The following WDR20 variants were observed in gnomAD, a reference collection of about 807,000 sequenced individuals.
WDR20 encodes the protein WD repeat-containing protein 20.
WDR20 carries 3 observed loss-of-function variants against 38.7 expected under a neutral mutation model. The observed-to-expected ratio is 0.08, with a 90% CI of 0.04 to 0.20. The LOEUF is 0.20. WDR20 is among the 10% of genes least tolerant of loss of function. The pLI is 1.00. For missense variants in WDR20, 559 were observed against 727.7 expected (o/e 0.77, Z 2.67); for synonymous variants, 298 against 285.6 (o/e 1.04, Z -0.44).
intron 1 of WDR20, among the ~76,000 whole-genome samples, chr14:102,167,893 A>C (rs2060069054): frequency 6.6e-6 from 1 of 152,216 alleles, no homozygotes; most frequent in African/African-American, 2.4e-5. Flanking sequence ...ATTTGAATGA[A>C]TGGATAAATA....
intron 1 of WDR20, among the ~76,000 whole-genome samples, chr14:102,160,350 T>C (rs967361158): frequency 2.6e-5 from 4 of 152,122 alleles, no homozygotes; most frequent in African/African-American, 9.7e-5. Flanking sequence ...CTGTCCTCCT[T>C]CCCCCTCCTA....
intron 1 of WDR20, among the ~76,000 whole-genome samples, chr14:102,171,819 A>G: frequency 6.6e-6 from 1 of 151,808 alleles, no homozygotes; most frequent in East Asian, 1.9e-4. Context: ...ATTATGCATT[A>G]TATTTAAGGA....
chr14:102,198,037 C>T, intron 2 of WDR20: 1 of 436,124 alleles, frequency 2.3e-6, no homozygotes, highest in Non-Finnish European at 4.1e-6. Context: ...GATGGTGACA[C>T]TTTGTGATGT....
chr14:102,189,204 T>A (rs1198114629), intron 1 of WDR20, among the ~76,000 whole-genome samples: 1 of 152,146 alleles, frequency 6.6e-6, no homozygotes, highest in Non-Finnish European at 1.5e-5. Flanking sequence ...AGCGAGACCC[T>A]GTCTCAATAA....
chr14:102,215,218 T>C (rs994692943), downstream of WDR20, among the ~76,000 whole-genome samples: 4 of 152,236 alleles, frequency 2.6e-5, no homozygotes, highest in Non-Finnish European at 5.9e-5. Context: ...GATACTGTTT[T>C]ATGTGGTCCT....
downstream of WDR20, chr14:102,224,386 T>C: frequency 2.8e-6 from 1 of 355,304 alleles, no homozygotes; most frequent in Non-Finnish European, 5.5e-6. Context: ...CGTGAGCATC[T>C]GAGTTTAGGG....
Position 102,208,740 on chromosome 14 carries a change from C to T in WDR20, c.570C>T (p.Tyr190=). The T allele has an allele frequency of 6.2e-7, 1 of 1,614,232 alleles. No individual in the cohort carries two copies. Among genetic ancestry groups the T allele is most frequent in the South Asian group, 1.1e-5 (1 of 91,088 alleles). The change falls in exon 3 of 3, where the codon TAC becomes TAT. Residue 190 remains tyrosine, a synonymous_variant. Coordinates refer to ENST00000342702, the MANE Select transcript of WDR20 (RefSeq NM_144574.4). The surrounding 1 kb of genome is among the most constrained non-coding windows in gnomAD (Gnocchi z 5.6). ...CTTGTGGCACCACAGCCCCCCACTA[C>T]CAGCTTCTGAAGCAGGGAGAGAGCT... The part of the protein sequence containing the change: ...EHTCGTTAPH[Y]QLLKQGESFA...
intron 1 of WDR20, among the ~76,000 whole-genome samples, chr14:102,153,183 G>A (rs1002545051): frequency 3.3e-5 from 5 of 152,090 alleles, no homozygotes; most frequent in African/African-American, 1.2e-4. Flanking sequence ...CATGTGAAGT[G>A]CCTGCCCCCC....
chr14:102,140,740 T>C (rs902130025), intron 1 of WDR20, among the ~76,000 whole-genome samples: 2 of 152,308 alleles, frequency 1.3e-5, no homozygotes, highest in Admixed American at 1.3e-4. Flanking sequence ...GGTGTTAACA[T>C]TTCTATTTCC....
intron 1 of WDR20, among the ~76,000 whole-genome samples, chr14:102,148,776 T>G (rs1316863790): frequency 6.6e-6 from 1 of 151,442 alleles, no homozygotes; most frequent in African/African-American, 2.4e-5. Context: ...CACTGCAGCT[T>G]CAACCTCCTG....
downstream of WDR20, chr14:102,212,646 G>T (rs1490713274): frequency 2.0e-6 from 3 of 1,532,348 alleles, no homozygotes; most frequent in Non-Finnish European, 2.6e-6. Flanking sequence ...CTTCTCCTCG[G>T]CTGTGCTTCT....
intron 1 of WDR20, among the ~76,000 whole-genome samples, chr14:102,155,785 CTT>C (rs1175213294): frequency 2.8e-5 from 4 of 144,440 alleles, no homozygotes; most frequent in Admixed American, 6.9e-5. Context: ...ACATTTTTTC[CTT>C]TTTTTTTTTT....
intron 1 of WDR20, among the ~76,000 whole-genome samples, chr14:102,158,082 T>G (rs779330819): frequency 1.3e-5 from 2 of 152,024 alleles, no homozygotes; most frequent in African/African-American, 2.4e-5. Flanking sequence ...TCCAGTGCAG[T>G]GAGCAATCAT....
intron 1 of WDR20, among the ~76,000 whole-genome samples, chr14:102,174,949 C>A (rs766358055): frequency 6.6e-6 from 1 of 152,004 alleles, no homozygotes; most frequent in Non-Finnish European, 1.5e-5. Flanking sequence ...CTTATAGATT[C>A]TAGATATTAG....
intron 1 of WDR20, chr14:102,193,542 A>G (rs1795839826): frequency 1.2e-6 from 2 of 1,608,796 alleles, no homozygotes; most frequent in East Asian, 2.2e-5. Context: ...TCCGCATGGC[A>G]TGCACCCTCA....
intron 1 of WDR20, 87 bp downstream of exon 1, chr14:102,140,259 GA>G: frequency 1.9e-6 from 3 of 1,561,196 alleles, no homozygotes; most frequent in Non-Finnish European, 2.6e-6. Flanking sequence ...GGGTGACCGA[GA>G]GGGGTGGCCG....
chr14:102,200,467 T>TTTTTGTGTGTG (rs748066838), intron 2 of WDR20, among the ~76,000 whole-genome samples: 2 of 117,774 alleles, frequency 1.7e-5, no homozygotes, highest in African/African-American at 6.2e-5. Flanking sequence ...ATTTTTTTTT[T>TTTTTGTGTGTG]TGTGTGTGTG....
intron 1 of WDR20, among the ~76,000 whole-genome samples, chr14:102,148,264 C>G (rs896730510): frequency 6.6e-6 from 1 of 152,142 alleles, no homozygotes; most frequent in Admixed American, 6.5e-5. Context: ...GCATCAGTGA[C>G]AAGTTACCTT....
chr14:102,191,573 C>G (rs1348218943), intron 1 of WDR20, among the ~76,000 whole-genome samples: 1 of 152,174 alleles, frequency 6.6e-6, no homozygotes, highest in Admixed American at 6.5e-5. Context: ...TGGGGTGGGG[C>G]TCCAAAAAGC....
Sources: gnomAD v4.1 joint callset for allele counts (sites outside exome capture counted in the v4.1 genomes callset) on GRCh38, gnomAD v4.1.1 for gene constraint, Gnocchi (gnomAD v3.1) non-coding constraint, MANE v1.5 for transcripts, NCBI Gene and HGNC (gene_info 2026-07-23, HGNC 2026-07-21) for gene names.